SH3YL1: variants seen among roughly 807,000 people sequenced by gnomAD.
SH3YL1 encodes the protein SH3 domain-containing YSC84-like protein 1.
Under a neutral mutation model 45.8 loss-of-function variants are expected in SH3YL1, and 41 were observed. The ratio of observed to expected loss-of-function variants is 0.89; its 90% CI spans 0.70 to 1.16. SH3YL1 has a LOEUF of 1.16. Among genes scored for constraint, SH3YL1 ranks in the 50% most tolerant of loss-of-function variants. The pLI is 0.00. For missense variants in SH3YL1, 389 were observed against 409.6 expected (o/e 0.95, Z 0.43); for synonymous variants, 152 against 151.4 (o/e 1.00, Z -0.03).
At chr2:221,114 G>C (rs934686260) in intron 9 of SH3YL1, among the ~76,000 whole-genome samples, 9 of 152,114 alleles carry the variant, frequency 5.9e-5, no homozygotes, top group African/African-American at 2.2e-4. Context: ...ATTTGAAACT[G>C]AGCTTCAGAG....
At chr2:226,570 T>C (rs979171699) in intron 8 of SH3YL1, among the ~76,000 whole-genome samples, 4 of 152,160 alleles carry the variant, frequency 2.6e-5, no homozygotes, top group African/African-American at 2.4e-5. Context: ...AAGAATGTCA[T>C]AATGGATGTA....
At chr2:230,172 C>G (rs1667973891) in intron 7 of SH3YL1, 128 bp from the exon 8 acceptor site, 2 of 621,002 alleles carry the variant, frequency 3.2e-6, no homozygotes, top group Non-Finnish European at 5.7e-6. Context: ...GTGGCACTCT[C>G]AAAGCTCACA....
chr2:228,713 C>A (rs1167661011), intron 8 of SH3YL1, among the ~76,000 whole-genome samples: 1 of 152,126 alleles, frequency 6.6e-6, no homozygotes, highest in African/African-American at 2.4e-5. Flanking sequence ...CCCAGAAGAA[C>A]AGGAGACAGA....
chr2:249,917 C>A, intron 2 of SH3YL1, 73 bp from the exon 3 acceptor site: 1 of 1,051,986 alleles, frequency 9.5e-7, no homozygotes, highest in African/African-American at 1.6e-5. Context: ...AAGTGTTAAA[C>A]AGAGTCAGTG....
At chr2:242,765 T>G in intron 4 of SH3YL1, 1 of 1,516,330 alleles carries the variant, frequency 6.6e-7, no homozygotes, top group South Asian at 1.3e-5. Context: ...AATTATATGC[T>G]CCATAGGAGA....
intron 5 of SH3YL1, 42 bp downstream of exon 5, chr2:234,117 GT>G: frequency 7.2e-7 from 1 of 1,382,400 alleles, no homozygotes; most frequent in Non-Finnish European, 1.0e-6. Context: ...AAAATATGCA[GT>G]TGTTAAACCT....
Position 218,653 on chromosome 2 carries a change from T to C in SH3YL1, c.*158A>G. ...AGTATTTAAAGATATGTCAGTCAGC[T>C]CTTTTTATATAGAAAAACAAAATCT... On this transcript the variant is annotated 3_prime_UTR_variant, in exon 10 of 10. Transcript: ENST00000356150. The C allele has an allele frequency of 1.6e-6, 1 of 608,188 alleles. No homozygotes were observed. The highest frequency in any genetic ancestry group is 2.8e-6 in the Non-Finnish European group (1 of 356,726). 37.7% of individuals were successfully genotyped at this position (608,188 alleles called of 1,614,324 possible). A position where few individuals can be genotyped will look rare whatever the true frequency, so the allele number is the denominator to read the frequency against.
chr2:221,922 T>C (rs911789188), intron 9 of SH3YL1, among the ~76,000 whole-genome samples: 2 of 152,164 alleles, frequency 1.3e-5, no homozygotes, highest in African/African-American at 4.8e-5. Context: ...AGTTCCTCTT[T>C]AATGTAAATA....
chr2:254,965 T>C, intron 1 of SH3YL1, among the ~76,000 whole-genome samples: 1 of 152,204 alleles, frequency 6.6e-6, no homozygotes, highest in Non-Finnish European at 1.5e-5. Flanking sequence ...CCTACCCACT[T>C]CAAGTTGTCC....
chr2:238,408 T>A (rs538356587), intron 4 of SH3YL1, among the ~76,000 whole-genome samples: 2 of 152,104 alleles, frequency 1.3e-5, no homozygotes, highest in African/African-American at 4.8e-5. Context: ...TACATCCCAT[T>A]CTTAGGGGGC....
chr2:240,815 T>C (rs912204123), intron 4 of SH3YL1: 2 of 152,172 alleles, frequency 1.3e-5, no homozygotes, highest in East Asian at 1.9e-4. Flanking sequence ...TGCATGCCCA[T>C]AGACAACATT....
chr2:243,586 G>A (rs1262302311), intron 4 of SH3YL1: 12 of 1,517,898 alleles, frequency 7.9e-6, no homozygotes, highest in South Asian at 1.3e-5. Context: ...AACAGACCTC[G>A]AGTCGGTAAC....
At chr2:250,486 G>A (rs1181191260) in intron 2 of SH3YL1, among the ~76,000 whole-genome samples, 2 of 152,162 alleles carry the variant, frequency 1.3e-5, no homozygotes, top group African/African-American at 2.4e-5. Flanking sequence ...ACATGTCAGA[G>A]ATGTTCATTA....
upstream of SH3YL1, chr2:264,167 G>C (rs1669737782): frequency 1.2e-6 from 1 of 850,614 alleles, no homozygotes; most frequent in Admixed American, 3.9e-5. Context: ...GCCGGGCCGC[G>C]CTCAGGCCTT....
At chr2:223,892 A>G (rs300754) in intron 9 of SH3YL1, among the ~76,000 whole-genome samples, 152,160 of 152,306 alleles carry the variant, frequency 1, 76,008 homozygotes, top group Non-Finnish European at 1. Context: ...GGGCTCCCAG[A>G]AGGGGAGGCC....
At chr2:257,539 C>T (rs1558254203) in intron 1 of SH3YL1, among the ~76,000 whole-genome samples, 2 of 152,218 alleles carry the variant, frequency 1.3e-5, no homozygotes, top group South Asian at 2.1e-4. Flanking sequence ...AGCAGCCATA[C>T]TTCAACCACT....
At chr2:238,259 T>TTGTGTGTGTGTG (rs3842546) in intron 4 of SH3YL1, among the ~76,000 whole-genome samples, 10 of 141,952 alleles carry the variant, frequency 7.0e-5, no homozygotes, top group African/African-American at 1.3e-4. Flanking sequence ...TCCTCCCTCC[T>TTGTGTGTGTGTG]TGTGTGTGTG....
rs951450935 is a variant in SH3YL1 at position 226,094 on chromosome 2, A to G, written c.782-1174T>C. ...AGTATCCAGTAAATGCAAAGATAAA[A>G]AAATCACAAGAAAATCTAGGAGACT... is the stretch of plus-strand genomic sequence containing the variant. On this transcript the variant is annotated intron_variant, in intron 8 of 9. Coordinates refer to ENST00000356150, the MANE Select transcript of SH3YL1 (RefSeq NM_015677.4). 3.3e-5 allele frequency among the ~76,000 whole-genome samples: 5 copies of G among 152,310 alleles called. No homozygotes were observed. In the East Asian group the frequency reaches 9.6e-4, roughly 29 times the overall value.
chr2:252,933 T>G (rs1572176234), intron 2 of SH3YL1, 72 bp downstream of exon 2: 2 of 871,412 alleles, frequency 2.3e-6, no homozygotes, highest in Non-Finnish European at 3.6e-6. Flanking sequence ...TGAAATGGAG[T>G]GTCGAACAAT....
Sources: allele counts gnomAD v4.1 joint callset (sites outside exome capture counted in the v4.1 genomes callset), GRCh38; gene constraint gnomAD v4.1.1; transcripts MANE v1.5; gene names NCBI Gene and HGNC (gene_info 2026-07-23, HGNC 2026-07-21).